Variants in EDA observed in about 807,000 individuals in gnomAD.
The protein encoded by EDA is ectodysplasin-A.
Under a neutral mutation model 23.6 loss-of-function variants are expected in EDA, and 2 were observed. That is an observed-to-expected ratio of 0.08 (90% CI 0.03 to 0.27). EDA has a LOEUF of 0.27. Among genes scored for constraint, EDA ranks in the 10% least tolerant of loss-of-function variants. The probability of loss-of-function intolerance (pLI) is 1.00; values close to 1 mark genes in which losing one functional copy is unlikely to be tolerated. For synonymous variants in EDA, 131 were observed against 132.0 expected, an observed-to-expected ratio of 0.99 and a Z score of 0.05; for missense variants, 229 against 324.2, an observed-to-expected ratio of 0.71 and a Z score of 2.26.
rs192928256 is a variant in EDA at position 69,700,415 on chromosome X, G to A, written c.396+83711G>A. Among the ~76,000 whole-genome samples the A allele has an allele frequency of 6.5e-4, 73 of 111,755 alleles. No homozygotes were observed. The Admixed American group carries it at 6.9e-3, about 11-fold the overall frequency. Reference sequence around the variant, plus strand: ...TAGGTTTAGAACAGAAAAATGGGTGGTATTGGAGGGAATTGCGGAAAGTGA... The same window carrying A: ...TAGGTTTAGAACAGAAAAATGGGTGATATTGGAGGGAATTGCGGAAAGTGA... On this transcript the variant is annotated intron_variant, in intron 1 of 7. Transcript: ENST00000374552.
intron 1 of EDA, among the ~76,000 whole-genome samples, chrX:69,789,115 C>A (rs2015313358): frequency 8.9e-6 from 1 of 112,446 alleles, no homozygotes; most frequent in Admixed American, 9.4e-5. Flanking sequence ...ACCCCTTGCG[C>A]TTCCCAAGTG....
intron 2 of EDA, among the ~76,000 whole-genome samples, chrX:70,020,640 T>TA (rs2020021186): frequency 1.8e-5 from 2 of 112,385 alleles, no homozygotes; most frequent in Non-Finnish European, 3.8e-5. Flanking sequence ...AAATTGTTTA[T>TA]AAAATGTACA....
At chrX:69,617,886 A>G (rs1272902100) in intron 1 of EDA, 4 of 230,781 alleles carry the variant, frequency 1.7e-5, no homozygotes, top group African/African-American at 9.1e-5. Flanking sequence ...TAGAGACATC[A>G]TATTCATGAT....
At chrX:69,818,254 C>T (rs1307010041) in intron 1 of EDA, among the ~76,000 whole-genome samples, 1 of 111,252 alleles carries the variant, frequency 9.0e-6, no homozygotes, top group Non-Finnish European at 1.9e-5. Context: ...ACTAAATGCC[C>T]ACATCAGAAA....
intron 1 of EDA, among the ~76,000 whole-genome samples, chrX:69,851,669 G>T (rs955928815): frequency 7.1e-5 from 8 of 112,101 alleles, no homozygotes; most frequent in Non-Finnish European, 1.3e-4. Flanking sequence ...CTTTCCACCT[G>T]TTTGGCTAGT....
chrX:69,808,196 T>C (rs750181190), intron 1 of EDA, among the ~76,000 whole-genome samples: 66 of 111,550 alleles, frequency 5.9e-4, no homozygotes, highest in Non-Finnish European at 1.1e-3. Flanking sequence ...GTTTTTATTG[T>C]TTGTATATTA....
At chrX:69,624,700 G>T (rs1569275163) in intron 1 of EDA, among the ~76,000 whole-genome samples, 1 of 107,201 alleles carries the variant, frequency 9.3e-6, no homozygotes, top group East Asian at 2.9e-4. Flanking sequence ...CAAAGCTTGG[G>T]TTTTTTTTTC....
chrX:69,988,616 G>T (rs1426457661), intron 2 of EDA, among the ~76,000 whole-genome samples: 4 of 111,994 alleles, frequency 3.6e-5, no homozygotes, highest in Non-Finnish European at 7.5e-5. Flanking sequence ...AGCACTTTGG[G>T]AGGCCGAGGC....
intron 2 of EDA, among the ~76,000 whole-genome samples, chrX:69,999,946 T>G (rs1410533610): frequency 8.9e-6 from 1 of 111,797 alleles, no homozygotes; most frequent in Non-Finnish European, 1.9e-5. Context: ...ATAGGAAATC[T>G]CTTAATATTA....
At chrX:69,967,740 C>T (rs1193680377) in intron 2 of EDA, among the ~76,000 whole-genome samples, 2 of 111,990 alleles carry the variant, frequency 1.8e-5, no homozygotes, top group Admixed American at 9.5e-5. Flanking sequence ...GGACTTTCTC[C>T]GCTCTGCTTT....
chrX:69,920,664 C>A (rs913976021), intron 1 of EDA, among the ~76,000 whole-genome samples: 3 of 110,306 alleles, frequency 2.7e-5, no homozygotes, highest in African/African-American at 9.8e-5. Context: ...AAGGTACATA[C>A]TATCTTCAAC....
intron 1 of EDA, among the ~76,000 whole-genome samples, chrX:69,649,819 T>C (rs1602252445): frequency 9.0e-6 from 1 of 111,373 alleles, no homozygotes; most frequent in South Asian, 3.8e-4. Flanking sequence ...ACTCCTGACC[T>C]CAGGTGATCT....
At chrX:69,817,778 C>T in intron 1 of EDA, among the ~76,000 whole-genome samples, 1 of 111,432 alleles carries the variant, frequency 9.0e-6, no homozygotes, top group African/African-American at 3.3e-5. Context: ...TAGTGGGAAG[C>T]TTTGACACCC....
chrX:69,764,042 G>A (rs561372286), intron 1 of EDA, among the ~76,000 whole-genome samples: 7 of 109,156 alleles, frequency 6.4e-5, no homozygotes, highest in African/African-American at 2.3e-4. Flanking sequence ...GAAGGGTGAG[G>A]TGGGCAGAAG....
intron 2 of EDA, among the ~76,000 whole-genome samples, chrX:69,989,244 C>T (rs1351307188): frequency 1.8e-5 from 2 of 112,024 alleles, no homozygotes; most frequent in Non-Finnish European, 3.8e-5. Context: ...GTCATTGCCC[C>T]ACTTTCACTT....
At chrX:69,747,618 T>C (rs1037709253) in intron 1 of EDA, among the ~76,000 whole-genome samples, 1 of 111,896 alleles carries the variant, frequency 8.9e-6, no homozygotes, top group Non-Finnish European at 1.9e-5. Context: ...GGCTACTGCC[T>C]TTTTCCAAGG....
intron 1 of EDA, among the ~76,000 whole-genome samples, chrX:69,781,334 G>A (rs2014936488): frequency 9.0e-6 from 1 of 111,590 alleles, no homozygotes; most frequent in Non-Finnish European, 1.9e-5. Context: ...TATTCAAGGT[G>A]TCTGCACCTT....
chrX:69,987,272 AAT>A (rs2019508877), intron 2 of EDA, among the ~76,000 whole-genome samples: 1 of 97,375 alleles, frequency 1.0e-5, no homozygotes, highest in African/African-American at 4.0e-5. Flanking sequence ...CTTAAAGTAT[AAT>A]AAAAAAAAAA....
chrX:69,684,806 A>T (rs1350745885), intron 1 of EDA, among the ~76,000 whole-genome samples: 1 of 112,468 alleles, frequency 8.9e-6, no homozygotes, highest in Non-Finnish European at 1.9e-5. Flanking sequence ...TTTATTTGAT[A>T]AGGAATGCCA....
Sources: allele counts gnomAD v4.1 joint callset (sites outside exome capture counted in the v4.1 genomes callset), GRCh38; gene constraint gnomAD v4.1.1; transcripts MANE v1.5; gene names NCBI Gene and HGNC (gene_info 2026-07-23, HGNC 2026-07-21).